The following LRRK1 variants were observed in gnomAD, a reference collection of about 807,000 sequenced individuals.
LRRK1 encodes the protein leucine rich repeat kinase 1.
In LRRK1, 113 loss-of-function variants were observed where a neutral mutation model predicts 209.1. The ratio of observed to expected loss-of-function variants is 0.54; its 90% CI spans 0.46 to 0.63. LRRK1 has a LOEUF of 0.63. Ranked by LOEUF, LRRK1 falls within the 30% of genes least tolerant of loss-of-function variation. LRRK1 has a pLI of 0.00. For synonymous variants in LRRK1, 1,144 were observed against 1,099.7 expected (o/e 1.04, Z -0.80); for missense variants, 2,284 against 2,632.2 (o/e 0.87, Z 2.89).
intron 4 of LRRK1, chr15:100,983,926 T>C (rs1371923963): frequency 1.5e-6 from 1 of 665,964 alleles, no homozygotes; most frequent in Non-Finnish European, 2.7e-6. Context: ...ATAAAGAATG[T>C]AATTAACATT....
At chr15:100,936,702 T>C (rs536968273) in intron 2 of LRRK1, among the ~76,000 whole-genome samples, 2 of 152,246 alleles carry the variant, frequency 1.3e-5, no homozygotes, top group South Asian at 4.1e-4. Flanking sequence ...TTGGGGTCTG[T>C]GGGATGTGCA....
chr15:101,043,148 A>T (rs2034857730), intron 20 of LRRK1, among the ~76,000 whole-genome samples: 1 of 152,182 alleles, frequency 6.6e-6, no homozygotes, highest in Admixed American at 6.5e-5. Context: ...ACACGTCGCC[A>T]CTCTGCGTCC....
chr15:100,998,034 G>A (rs2032501944), intron 6 of LRRK1, among the ~76,000 whole-genome samples: 1 of 151,978 alleles, frequency 6.6e-6, no homozygotes, highest in South Asian at 2.1e-4. Context: ...ATACAAACAT[G>A]AGTTGGGTGT....
chr15:101,031,422 G>A (rs755633918), intron 20 of LRRK1, among the ~76,000 whole-genome samples: 3 of 152,294 alleles, frequency 2.0e-5, no homozygotes, highest in Non-Finnish European at 2.9e-5. Flanking sequence ...CCATCCATGC[G>A]GTTGTGTGTA....
chr15:101,039,595 C>T (rs2034648166), intron 20 of LRRK1, among the ~76,000 whole-genome samples: 2 of 152,084 alleles, frequency 1.3e-5, no homozygotes, highest in South Asian at 4.1e-4. Context: ...TGCCTGATTG[C>T]ATTGGCTCGG....
rs61733306 is a variant in LRRK1 at position 101,056,888 on chromosome 15, C to T, written c.4365C>T (p.Tyr1455=). Residue 1455 remains tyrosine (Y), a synonymous_variant, in exon 28 of 34, where the codon TAC becomes TAT. Coordinates refer to ENST00000388948, the MANE Select transcript of LRRK1 (RefSeq NM_024652.6). ...TGTTCTCCTATGGAATGGTGCTCTA[C>T]GAGTTGCTGTCAGGACAGCGCCCTG... ...VDMFSYGMVL[Y]ELLSGQRPAL... 5.6e-4 allele frequency: 902 copies of T among 1,612,884 alleles called. 1 individual carries two copies. The highest frequency in any genetic ancestry group is 1.2e-3 in the South Asian group (108 of 90,894).
At chr15:101,008,716 T>A in intron 6 of LRRK1, 121 bp from the exon 7 acceptor site, 1 of 768,444 alleles carries the variant, frequency 1.3e-6, no homozygotes, top group Non-Finnish European at 2.2e-6. Context: ...GCAGGCCTCT[T>A]GGGACCCGGG....
chr15:100,941,348 T>TG (rs2042411269), intron 2 of LRRK1, among the ~76,000 whole-genome samples: 4 of 45,224 alleles, frequency 8.8e-5, no homozygotes, highest in African/African-American at 2.0e-4. Flanking sequence ...GTGTGTGTCT[T>TG]TGTGTGTGTG....
rs531645117 is a variant in LRRK1, at chr15:101,004,905, GTTTAT to G, written c.763-3926_763-3922del. On this transcript the variant is annotated intron_variant, in intron 6 of 33. Transcript: ENST00000388948. ...TAATTTGATTACTTGCTGTTGTTTT[GTTTAT>G]TTTATGATGGTCCCCAGAGTTTTAT... is the stretch of plus-strand genomic sequence containing the variant. Among the ~76,000 whole-genome samples, 15 of 152,302 alleles carry G rather than the reference GTTTAT, an allele frequency of 9.8e-5. No individual in the cohort carries two copies. In the East Asian group the frequency reaches 1.9e-3, roughly 20 times the overall value.
At chr15:100,923,393 T>G (rs1596147594) in intron 1 of LRRK1, among the ~76,000 whole-genome samples, 1 of 152,216 alleles carries the variant, frequency 6.6e-6, no homozygotes, top group Admixed American at 6.5e-5. Context: ...TAACCTTGAT[T>G]TAAAAAATAT....
rs2031994685 is a variant in LRRK1 at position 100,988,573 on chromosome 15, G to C, written c.434-61G>C. The C allele has an allele frequency of 2.6e-6, 4 of 1,513,400 alleles. No homozygotes were observed. In the African/African-American group the frequency reaches 5.5e-5, roughly 21 times the overall value. The allele number at this position is 1,513,400 out of a possible 1,614,324, so 93.7% of individuals were successfully genotyped here. A position where few individuals can be genotyped will look rare whatever the true frequency, so the allele number is the denominator to read the frequency against. On this transcript the variant is annotated intron_variant, in intron 4 of 33. Coordinates refer to ENST00000388948, the MANE Select transcript of LRRK1 (RefSeq NM_024652.6). ...CTACTAGCGGTCTAAGGGAAGAGCA[G>C]AGTGGGAACAAACAGCACCCTTCAG... is the stretch of plus-strand genomic sequence containing the variant.
chr15:100,927,266 G>A (rs1596153058), intron 2 of LRRK1, among the ~76,000 whole-genome samples: 1 of 152,178 alleles, frequency 6.6e-6, no homozygotes. Context: ...CTCCAAGCTC[G>A]TGGCAGGACA....
rs1187686666 is a variant in LRRK1 at position 100,983,585 on chromosome 15, C to T, written c.319C>T (p.Leu107Phe). Residue 107 changes from leucine to phenylalanine, a missense_variant, in exon 4 of 34, where the codon CTC becomes TTC. Transcript: ENST00000388948. The stretch of plus-strand genomic sequence containing the variant: ...GGATCTGGAGATGGTCCGCTACCTA[C>T]TCAGCAAGAGACTGGTGGAGCTGCC... ...YGDLEMVRYL[L>F]SKRLVELPTE... 3.7e-6 allele frequency: 6 copies of T among 1,612,124 alleles called. No individual in the cohort carries two copies.
intron 10 of LRRK1, 56 bp downstream of exon 10, chr15:101,012,201 G>T: frequency 7.0e-7 from 1 of 1,431,282 alleles, no homozygotes; most frequent in Admixed American, 2.1e-5. Context: ...AAATTGCTCC[G>T]TGTTGCAGTG....
At chr15:101,043,136 G>A (rs932756796) in intron 20 of LRRK1, among the ~76,000 whole-genome samples, 6 of 152,250 alleles carry the variant, frequency 3.9e-5, no homozygotes, top group African/African-American at 1.2e-4. Flanking sequence ...AGCACCCAGA[G>A]AACACGTCGC....
chr15:100,976,679 C>T (rs574502284), intron 3 of LRRK1, among the ~76,000 whole-genome samples: 44 of 152,300 alleles, frequency 2.9e-4, no homozygotes, highest in African/African-American at 1.0e-3. Context: ...CTGCTAGGAA[C>T]TTACCCCTAC....
chr15:101,010,516 A>G lies in LRRK1; in HGVS notation c.1056A>G (p.Ser352=). Residue 352 remains serine (S), a synonymous_variant, in exon 8 of 34, where the codon TCA becomes TCG. Coordinates refer to ENST00000388948, the MANE Select transcript of LRRK1 (RefSeq NM_024652.6). ...SHLPPGFLHL[S]KLQKLTASKN... ...TCCCTCCTGGATTCTTGCACCTCTC[A>G]AAACTTCAAAAACTGACAGCTTCAA... The G allele has an allele frequency of 6.2e-7, 1 of 1,612,538 alleles. No individual in the cohort carries two copies.
At chr15:100,987,974 A>G (rs1399891089) in intron 4 of LRRK1, among the ~76,000 whole-genome samples, 2 of 152,104 alleles carry the variant, frequency 1.3e-5, no homozygotes, top group South Asian at 4.1e-4. Flanking sequence ...ATCATGCTGG[A>G]TACGCCATTT....
At chr15:101,052,084 C>T in intron 24 of LRRK1, 124 bp downstream of exon 24, 1 of 1,106,234 alleles carries the variant, frequency 9.0e-7, no homozygotes, top group Non-Finnish European at 1.3e-6. Flanking sequence ...GCCATGGCTT[C>T]CCACCAATCT....
Sources: allele counts gnomAD v4.1 joint callset (sites outside exome capture counted in the v4.1 genomes callset), GRCh38; gene constraint gnomAD v4.1.1; transcripts MANE v1.5; gene names NCBI Gene and HGNC (gene_info 2026-07-23, HGNC 2026-07-21).